The following RBFOX1 variants were observed in gnomAD, a reference collection of about 807,000 sequenced individuals.
RBFOX1 encodes RNA binding protein fox-1 homolog 1.
Under a neutral mutation model 57.7 loss-of-function variants are expected in RBFOX1, and 8 were observed. That is an observed-to-expected ratio of 0.14 (90% confidence interval 0.08 to 0.25). RBFOX1 has a LOEUF of 0.25. RBFOX1 is among the 10% of genes least tolerant of loss of function. RBFOX1 has a pLI of 1.00. For synonymous variants in RBFOX1, 326 were observed against 222.4 expected (o/e 1.47, Z -4.15); for missense variants, 611 against 548.5 (o/e 1.11, Z -1.14).
intron 1 of RBFOX1, among the ~76,000 whole-genome samples, chr16:6,069,356 C>T (rs1473601670): frequency 6.8e-6 from 1 of 146,924 alleles, no homozygotes; most frequent in East Asian, 2.1e-4. Flanking sequence ...CGAGATTGTG[C>T]CAGTGCACTC....
chr16:6,452,302 C>T lies in RBFOX1; in HGVS notation c.-64+135245C>T, dbSNP rs147924236. ...TCCATGACTCCATCCATGGCTGCAT[C>T]CTTTCATGACTCTATCCATGGTCCC... On this transcript the variant is annotated intron_variant, in intron 2 of 15. Coordinates refer to ENST00000550418, the MANE Select transcript of RBFOX1 (RefSeq NM_018723.4). Among the ~76,000 whole-genome samples the T allele has an allele frequency of 3.9e-5, 6 of 151,950 alleles. No homozygotes were observed. The South Asian group carries it at 1.3e-3, about 32-fold the overall frequency.
At chr16:7,491,445 T>C (rs2066944949) in intron 4 of RBFOX1, among the ~76,000 whole-genome samples, 1 of 129,034 alleles carries the variant, frequency 7.7e-6, no homozygotes, top group Non-Finnish European at 1.8e-5. Flanking sequence ...AAGGCAGGAC[T>C]AGACACACCA....
intron 3 of RBFOX1, among the ~76,000 whole-genome samples, chr16:6,879,302 G>T (rs2062444439): frequency 6.6e-6 from 1 of 152,108 alleles, no homozygotes; most frequent in South Asian, 2.1e-4. Context: ...AACACTATAT[G>T]CCATAAATTT....
chr16:5,682,101 G>A (rs1195687992), intron 3 of RBFOX1, among the ~76,000 whole-genome samples: 1 of 152,174 alleles, frequency 6.6e-6, no homozygotes, highest in African/African-American at 2.4e-5. Context: ...TTACAGTTGG[G>A]TTTCAGATTG....
chr16:6,869,044 G>A (rs2060423140), intron 3 of RBFOX1, among the ~76,000 whole-genome samples: 2 of 152,152 alleles, frequency 1.3e-5, no homozygotes, highest in African/African-American at 4.8e-5. Context: ...TTGAGCACAT[G>A]GTACGAATGA....
intron 4 of RBFOX1, among the ~76,000 whole-genome samples, chr16:5,986,354 G>C (rs897306878): frequency 2.0e-5 from 3 of 152,270 alleles, no homozygotes; most frequent in African/African-American, 7.2e-5. Context: ...GTGAGCCATC[G>C]CGTCCAGACT....
chr16:6,257,876 A>C (rs2097678171), intron 1 of RBFOX1, among the ~76,000 whole-genome samples: 1 of 152,222 alleles, frequency 6.6e-6, no homozygotes, highest in South Asian at 2.1e-4. Flanking sequence ...ATAGTGCTGC[A>C]GTGAACATAC....
chr16:7,003,715 A>T (rs1304072101), intron 3 of RBFOX1, among the ~76,000 whole-genome samples: 1 of 152,184 alleles, frequency 6.6e-6, no homozygotes, highest in Admixed American at 6.5e-5. Flanking sequence ...AAACACAAAC[A>T]ATGTAATTAA....
intron 2 of RBFOX1, among the ~76,000 whole-genome samples, chr16:5,475,327 T>G (rs1321184393): frequency 6.6e-6 from 1 of 152,238 alleles, no homozygotes; most frequent in Non-Finnish European, 1.5e-5. Context: ...TAAGTCTACA[T>G]TCGATTTAAG....
intron 3 of RBFOX1, among the ~76,000 whole-genome samples, chr16:5,618,542 T>G (rs541749406): frequency 6.6e-6 from 1 of 152,276 alleles, no homozygotes; most frequent in East Asian, 1.9e-4. Flanking sequence ...TTTCACCGTG[T>G]TAGCCAGGAT....
intron 3 of RBFOX1, among the ~76,000 whole-genome samples, chr16:6,755,848 C>T (rs1007221610): frequency 1.3e-5 from 2 of 152,092 alleles, no homozygotes; most frequent in Non-Finnish European, 2.9e-5. Context: ...TCTTTCAGAG[C>T]TGCCAAAAGG....
chr16:7,660,440 G>C (rs2067435490), intron 12 of RBFOX1, among the ~76,000 whole-genome samples: 1 of 152,090 alleles, frequency 6.6e-6, no homozygotes, highest in Non-Finnish European at 1.5e-5. Context: ...CGCAGACATG[G>C]ATCCCTGTGC....
chr16:5,520,613 G>A (rs1429674732), intron 2 of RBFOX1, among the ~76,000 whole-genome samples: 1 of 152,176 alleles, frequency 6.6e-6, no homozygotes, highest in Non-Finnish European at 1.5e-5. Flanking sequence ...TTGAGGGAAA[G>A]GCTATGTGGT....
intron 3 of RBFOX1, among the ~76,000 whole-genome samples, chr16:6,915,163 C>A (rs1012980549): frequency 6.6e-6 from 1 of 152,188 alleles, no homozygotes; most frequent in Non-Finnish European, 1.5e-5. Flanking sequence ...GGTCAAGGCA[C>A]TGGGGCTGAG....
At chr16:5,378,396 C>G (rs945999308) in intron 1 of RBFOX1, among the ~76,000 whole-genome samples, 1 of 151,590 alleles carries the variant, frequency 6.6e-6, no homozygotes, top group Non-Finnish European at 1.5e-5. Flanking sequence ...TCCACCCAGC[C>G]CGCCCAGGAT....
At chr16:5,416,816 T>A (rs2067173227) in intron 1 of RBFOX1, among the ~76,000 whole-genome samples, 1 of 152,206 alleles carries the variant, frequency 6.6e-6, no homozygotes, top group African/African-American at 2.4e-5. Flanking sequence ...TTGAAGTTAC[T>A]TGTTCTTATC....
intron 3 of RBFOX1, among the ~76,000 whole-genome samples, chr16:6,858,777 T>G (rs767007773): frequency 6.6e-6 from 1 of 152,088 alleles, no homozygotes; most frequent in Non-Finnish European, 1.5e-5. Context: ...GTTGAAAGTT[T>G]TAGAAAACCC....
chr16:6,043,120 G>GAAAAAAAA lies in RBFOX1; in HGVS notation c.-127+23163_-127+23170dup, dbSNP rs570358262. ...GCGACAGAGCAAGATTGTGTTTCCAGAAAAAAAAAAAAAAAAAAAAAAAAA... is the reference window on the plus strand; with the variant it reads ...GCGACAGAGCAAGATTGTGTTTCCAGAAAAAAAAAAAAAAAAAAAAAAAAAAAAAAAAA... On this transcript the variant is annotated intron_variant, in intron 1 of 15. Transcript: ENST00000550418. Among the ~76,000 whole-genome samples, 543 of 70,224 alleles carry GAAAAAAAA rather than the reference G, an allele frequency of 7.7e-3. 30 individuals are homozygous for GAAAAAAAA. The highest frequency in any genetic ancestry group is 0.01 in the Non-Finnish European group (388 of 38,236). The allele number at this position is 70,224 out of a possible 152,430, so 46.1% of individuals were successfully genotyped here.
At position 5,720,885 on chromosome 16, in the gene RBFOX1, A is replaced by G. The variant is rs530259758; in HGVS notation, c.318+121924A>G. On this transcript the variant is annotated intron_variant, in intron 3 of 19. Coordinates refer to the RBFOX1 transcript ENST00000641259. ...AGTGTGAGTCTCCAACTTTGTTCTT[A>G]GTTTTCAAGATTGTTTTGATTATTC... 5.3e-4 allele frequency among the ~76,000 whole-genome samples: 81 copies of G among 152,268 alleles called. 1 individual carries two copies. In the South Asian group the frequency reaches 0.016, roughly 31 times the overall value.
Sources: allele counts gnomAD v4.1 joint callset (sites outside exome capture counted in the v4.1 genomes callset), GRCh38; gene constraint gnomAD v4.1.1; transcripts MANE v1.5; gene names NCBI Gene and HGNC (gene_info 2026-07-23, HGNC 2026-07-21).